Variants in KCTD16 observed in about 807,000 individuals in gnomAD.
KCTD16 encodes the protein BTB/POZ domain-containing protein KCTD16.
Under a neutral mutation model 33.2 loss-of-function variants are expected in KCTD16, and 13 were observed. That is an observed-to-expected ratio of 0.39 (90% CI 0.25 to 0.62). The LOEUF is 0.62. Among genes scored for constraint, KCTD16 ranks in the 20% least tolerant of loss-of-function variants. The pLI is 0.50. For missense variants in KCTD16, 441 were observed against 525.1 expected (o/e 0.84, Z 1.57); for synonymous variants, 197 against 195.3 (o/e 1.01, Z -0.07).
rs919660664 is a variant in KCTD16 at position 144,475,581 on chromosome 5, G to A, written c.*1467G>A. The A allele has an allele frequency of 2.6e-5, 4 of 152,570 alleles. No individual in the cohort carries two copies. Among genetic ancestry groups the A allele is most frequent in the Non-Finnish European group, 4.4e-5 (3 of 68,036 alleles). The allele number at this position is 152,570 out of a possible 1,614,324, so 9.5% of individuals were successfully genotyped here. A position where few individuals can be genotyped will look rare whatever the true frequency, so the allele number is the denominator to read the frequency against. On this transcript the variant is annotated 3_prime_UTR_variant, in exon 4 of 4. Transcript: ENST00000512467. ...GGTTAAAAGACCAGTTTTATTTTCAGCATTCCTCATGCATTTCAGTGGTAA... is the reference window on the plus strand; with the variant it reads ...GGTTAAAAGACCAGTTTTATTTTCAACATTCCTCATGCATTTCAGTGGTAA...
chr5:144,387,613 T>A (rs992460290), intron 3 of KCTD16, among the ~76,000 whole-genome samples: 1 of 152,312 alleles, frequency 6.6e-6, no homozygotes, highest in African/African-American at 2.4e-5. Flanking sequence ...GTGTTGGAGT[T>A]GTGCATAAGC....
chr5:144,216,058 G>A (rs1424843685), intron 3 of KCTD16, among the ~76,000 whole-genome samples: 2 of 152,072 alleles, frequency 1.3e-5, no homozygotes, highest in South Asian at 4.1e-4. Context: ...GTGGCTTTTC[G>A]GAACCTAGAG....
chr5:144,171,060 C>T (rs369664455), intron 1 of KCTD16, 51 bp downstream of exon 1: 2 of 152,180 alleles, frequency 1.3e-5, no homozygotes, highest in Admixed American at 1.3e-4. Flanking sequence ...CCCTATTTCC[C>T]TTTTGTAAGT....
At chr5:144,192,025 A>G (rs1451481989) in intron 2 of KCTD16, among the ~76,000 whole-genome samples, 1 of 152,126 alleles carries the variant, frequency 6.6e-6, no homozygotes, top group African/African-American at 2.4e-5. Context: ...TCAGTTTCTT[A>G]TAGGGCTTGG....
At chr5:144,327,093 G>A (rs191372138) in intron 3 of KCTD16, among the ~76,000 whole-genome samples, 1 of 152,248 alleles carries the variant, frequency 6.6e-6, no homozygotes, top group African/African-American at 2.4e-5. Flanking sequence ...AGCTATGGTG[G>A]CAATGTTGGC....
At chr5:144,443,358 A>C (rs892547744) in intron 3 of KCTD16, among the ~76,000 whole-genome samples, 4 of 152,098 alleles carry the variant, frequency 2.6e-5, no homozygotes, top group Admixed American at 6.6e-5. Flanking sequence ...CAATTATGAT[A>C]ATTTCTAAAT....
chr5:144,465,188 C>CA lies in KCTD16; in HGVS notation c.833-8472_833-8471insA, dbSNP rs1335427886. Among the ~76,000 whole-genome samples the CA allele has an allele frequency of 1.4e-4, 9 of 63,672 alleles. 1 individual carries two copies. The South Asian group carries it at 2.3e-3, about 16-fold the overall frequency. 41.8% of individuals were successfully genotyped at this position (63,672 alleles called of 152,430 possible). A position where few individuals can be genotyped will look rare whatever the true frequency, so the allele number is the denominator to read the frequency against. ...ACATACATAGTCTCTCTCTCCCCCC[C>CA]CTCTCTCTCTCACTCTCTCTCTCTC... On this transcript the variant is annotated intron_variant, in intron 3 of 3. Transcript: ENST00000512467.
chr5:144,417,920 A>C (rs186970231), intron 3 of KCTD16, among the ~76,000 whole-genome samples: 31 of 152,286 alleles, frequency 2.0e-4, no homozygotes, highest in Admixed American at 2.0e-3. Context: ...ATGGACCCTC[A>C]CAGTGAGTGT....
intron 3 of KCTD16, among the ~76,000 whole-genome samples, chr5:144,252,961 C>G (rs1183809233): frequency 1.4e-5 from 2 of 146,422 alleles, no homozygotes; most frequent in African/African-American, 2.5e-5. Flanking sequence ...GCTTTAAAAT[C>G]AGTAGCTCTT....
rs1223618768 is a variant in KCTD16 at position 144,229,491 on chromosome 5, T to TGTTAGGA, written c.832+21955_832+21961dup. On this transcript the variant is annotated intron_variant, in intron 3 of 3. Transcript: ENST00000512467. Reference sequence around the variant, plus strand: ...ACTAAAGGAGGATGAGATTTTTGAATGTTAGGAGTTAGGAGTACTCAAAGA... The same window carrying TGTTAGGA: ...ACTAAAGGAGGATGAGATTTTTGAATGTTAGGAGTTAGGAGTTAGGAGTACTCAAAGA... Among the ~76,000 whole-genome samples, 3 of 152,162 alleles carry TGTTAGGA rather than the reference T, an allele frequency of 2.0e-5. No homozygotes were observed. The East Asian group carries it at 5.8e-4, about 29-fold the overall frequency.
intron 3 of KCTD16, among the ~76,000 whole-genome samples, chr5:144,471,223 C>G (rs1458626294): frequency 6.6e-6 from 1 of 152,138 alleles, no homozygotes; most frequent in African/African-American, 2.4e-5. Context: ...CAAACAAACA[C>G]TTTTGTAGAA....
chr5:144,369,390 A>T (rs1404818853), intron 3 of KCTD16: 2 of 152,272 alleles, frequency 1.3e-5, no homozygotes, highest in African/African-American at 4.8e-5. Flanking sequence ...GATGGCAGCC[A>T]GCGGTGGAGG....
chr5:144,467,445 G>C (rs1489492726), intron 3 of KCTD16, among the ~76,000 whole-genome samples: 1 of 152,180 alleles, frequency 6.6e-6, no homozygotes, highest in Non-Finnish European at 1.5e-5. Context: ...GCTGATCTGT[G>C]TGTGCCCTGG....
chr5:144,286,237 CT>C (rs1181971431), intron 3 of KCTD16, among the ~76,000 whole-genome samples: 1 of 152,058 alleles, frequency 6.6e-6, no homozygotes, highest in Non-Finnish European at 1.5e-5. Context: ...TTGTCACCTT[CT>C]AAAAAATATC....
intron 3 of KCTD16, among the ~76,000 whole-genome samples, chr5:144,242,778 G>C (rs1225099586): frequency 2.0e-5 from 3 of 152,030 alleles, no homozygotes; most frequent in African/African-American, 7.2e-5. Flanking sequence ...GAGGCTCCAG[G>C]CTCTTTTTAC....
At chr5:144,410,344 T>G (rs918841115) in intron 3 of KCTD16, among the ~76,000 whole-genome samples, 1 of 152,224 alleles carries the variant, frequency 6.6e-6, no homozygotes, top group Non-Finnish European at 1.5e-5. Flanking sequence ...ATATATTAAA[T>G]CTATTTCTGT....
intron 3 of KCTD16, among the ~76,000 whole-genome samples, chr5:144,220,873 G>A (rs954254505): frequency 4.0e-5 from 6 of 151,866 alleles, no homozygotes; most frequent in East Asian, 3.9e-4. Context: ...CGCAGGAGAC[G>A]GAGGTTGCAG....
chr5:144,422,979 A>T (rs906749022), intron 3 of KCTD16, among the ~76,000 whole-genome samples: 2 of 152,164 alleles, frequency 1.3e-5, no homozygotes, highest in Admixed American at 1.3e-4. Flanking sequence ...GCAAAGATAG[A>T]TAATGAAGTA....
chr5:144,441,845 T>C (rs1011672732), intron 3 of KCTD16, among the ~76,000 whole-genome samples: 13 of 149,946 alleles, frequency 8.7e-5, no homozygotes, highest in African/African-American at 3.2e-4. Flanking sequence ...AAGATCATCT[T>C]GACAATTTCT....
Sources: allele counts gnomAD v4.1 joint callset (sites outside exome capture counted in the v4.1 genomes callset), GRCh38; gene constraint gnomAD v4.1.1; transcripts MANE v1.5; gene names NCBI Gene and HGNC (gene_info 2026-07-23, HGNC 2026-07-21).